TUT1: variants seen among roughly 807,000 people sequenced by gnomAD.
TUT1 encodes the protein terminal uridylyl transferase 1, U6 snRNA-specific, also known as speckle targeted PIP5K1A-regulated poly(A) polymerase.
A neutral mutation model predicts 48.8 loss-of-function variants in TUT1; 26 were observed. The observed-to-expected ratio is 0.53, with a 90% CI of 0.39 to 0.74. TUT1 has a LOEUF of 0.74. Among genes scored for constraint, TUT1 ranks in the 30% least tolerant of loss-of-function variants. The probability of loss-of-function intolerance (pLI) is 0.00; values close to 1 mark genes in which losing one functional copy is unlikely to be tolerated. For missense variants in TUT1, 1,065 were observed against 1,114.8 expected (o/e 0.96, Z 0.64); for synonymous variants, 470 against 460.8 (o/e 1.02, Z -0.26).
chr11:62,588,218 C>CA (rs1287566461), intron 2 of TUT1, among the ~76,000 whole-genome samples: 2 of 152,108 alleles, frequency 1.3e-5, no homozygotes, highest in African/African-American at 4.8e-5. Flanking sequence ...ATGACACACA[C>CA]AAAAAAATCC....
chr11:62,588,490 G>A (rs536786992), intron 2 of TUT1, among the ~76,000 whole-genome samples: 6 of 152,174 alleles, frequency 3.9e-5, no homozygotes, highest in African/African-American at 7.2e-5. Flanking sequence ...GGAGGTAGAC[G>A]TCACAGTGAG....
Position 62,589,040 on chromosome 11 carries a change from G to A in TUT1, c.264C>T (p.Asp88=). 1 of 1,613,614 alleles carries A rather than the reference G, an allele frequency of 6.2e-7. No individual in the cohort carries two copies. The highest frequency in any genetic ancestry group is 8.5e-7 in the Non-Finnish European group (1 of 1,179,704). ...GAGCCATTCACTTTACCTTGTCCTT[G>A]TCCATGACAACACTGGCCACAGGTC... is the stretch of plus-strand genomic sequence containing the variant. ...AFGPVASVVM[D]KDKGVFAIVE... is the part of the protein sequence containing the mutation. Residue 88 remains aspartate (D), a synonymous_variant, in exon 2 of 9, where the codon GAC becomes GAT. Coordinates refer to ENST00000476907, the MANE Select transcript of TUT1 (RefSeq NM_022830.3).
Position 62,588,373 on chromosome 11 carries a change from G to A in TUT1, c.273+658C>T, listed in dbSNP as rs989112885. ...GTTCGAGACCAGCCTGGCCAACATG[G>A]TGAAACCCTGTCTCTACTAAAAATA... On this transcript the variant is annotated intron_variant, in intron 2 of 8. Transcript: ENST00000476907. Among the ~76,000 whole-genome samples the A allele has an allele frequency of 3.3e-5, 5 of 152,142 alleles. No homozygotes were observed. In the South Asian group the frequency reaches 8.3e-4, roughly 25 times the overall value.
chr11:62,590,529 C>T (rs566129874), intron 1 of TUT1, among the ~76,000 whole-genome samples: 9 of 151,632 alleles, frequency 5.9e-5, no homozygotes, highest in South Asian at 4.2e-4. Context: ...CCCGGCTACA[C>T]GGGAGGCTGA....
chr11:62,591,411 T>C lies in TUT1; in HGVS notation c.75A>G (p.Thr25=). Residue 25 remains threonine (T), a synonymous_variant, in exon 1 of 9, where the codon ACA becomes ACG. Coordinates refer to ENST00000476907, the MANE Select transcript of TUT1 (RefSeq NM_022830.3). The part of the protein sequence containing the change: ...GFRCCLCHVT[T]ANRPSLDAHL... ...TCACTAGCCACCGCTTACGGTTGGC[T>C]GTAGTAACGTGGCAGAGGCAGCAGC... 6.3e-7 allele frequency: 1 copy of C among 1,594,066 alleles called. No homozygotes were observed. Among genetic ancestry groups the C allele is most frequent in the Non-Finnish European group, 8.5e-7 (1 of 1,171,210 alleles).
At chr11:62,585,442 G>A (rs1383333292) in intron 2 of TUT1, among the ~76,000 whole-genome samples, 1 of 152,146 alleles carries the variant, frequency 6.6e-6, no homozygotes, top group African/African-American at 2.4e-5. Flanking sequence ...AGCCCCAGAT[G>A]GAAATTAAGA....
intron 2 of TUT1, among the ~76,000 whole-genome samples, chr11:62,583,862 A>G (rs1007029976): frequency 2.0e-5 from 3 of 152,232 alleles, no homozygotes; most frequent in Non-Finnish European, 4.4e-5. Flanking sequence ...AGAAGATTCA[A>G]TGGGGAAAGA....
chr11:62,586,485 T>C, intron 2 of TUT1, among the ~76,000 whole-genome samples: 1 of 152,134 alleles, frequency 6.6e-6, no homozygotes, highest in South Asian at 2.1e-4. Context: ...TCAATAAAAA[T>C]GTTAATCATT....
chr11:62,585,384 T>A (rs1941894867), intron 2 of TUT1, among the ~76,000 whole-genome samples: 2 of 152,208 alleles, frequency 1.3e-5, no homozygotes, highest in South Asian at 4.1e-4. Context: ...CTGACTCTAA[T>A]AAACCACAGT....
At position 62,587,339 on chromosome 11, in the gene TUT1, G is replaced by A. The variant is rs577973604; in HGVS notation, c.273+1692C>T. Among the ~76,000 whole-genome samples the A allele has an allele frequency of 1.5e-4, 23 of 152,044 alleles. No homozygotes were observed. In the East Asian group the frequency reaches 1.6e-3, roughly 10 times the overall value. On this transcript the variant is annotated intron_variant, in intron 2 of 8. Transcript: ENST00000476907. ...TGGGATTACAGGCATGTGCCACCACGCCCCGCTAATTTTGTATTTTTAGTA... is the reference window on the plus strand; with the variant it reads ...TGGGATTACAGGCATGTGCCACCACACCCCGCTAATTTTGTATTTTTAGTA...
At position 62,581,544 on chromosome 11, in the gene TUT1, G is replaced by A. The variant is rs533930379; in HGVS notation, c.431C>T (p.Pro144Leu). 1 of 1,613,732 alleles carries A rather than the reference G, an allele frequency of 6.2e-7. No individual in the cohort carries two copies. The highest frequency in any genetic ancestry group is 1.7e-5 in the Admixed American group (1 of 59,860). The change falls in exon 3 of 9, where the codon CCC becomes CTC. Residue 144 changes from proline to leucine, a missense_variant. Transcript: ENST00000476907. ...PASKSPKGAA[P>L]DSHQLAKALA... ...CGCTTTGGCCAGCTGGTGACTGTCG[G>A]GGGCCGCTCCTTTGGGGGATTTGGA...
chr11:62,588,796 G>A (rs536438977), intron 2 of TUT1, among the ~76,000 whole-genome samples: 7 of 152,236 alleles, frequency 4.6e-5, no homozygotes, highest in Non-Finnish European at 1.0e-4. Flanking sequence ...CCGGGTTCAA[G>A]CGATTCTCCT....
chr11:62,590,091 G>A (rs889587101), intron 1 of TUT1, among the ~76,000 whole-genome samples: 1 of 152,232 alleles, frequency 6.6e-6, no homozygotes, highest in African/African-American at 2.4e-5. Context: ...GGCCAAAGAA[G>A]ACTCCTAGGT....
intron 4 of TUT1, 44 bp from the exon 5 acceptor site, chr11:62,579,074 T>A: frequency 7.2e-7 from 1 of 1,379,496 alleles, no homozygotes; most frequent in Non-Finnish European, 9.6e-7. Flanking sequence ...TGCTGTTCCC[T>A]AAGCAGGGAT....
Position 62,577,205 on chromosome 11 carries a change from C to T in TUT1, c.1247G>A (p.Trp416Ter). Residue 416 changes from tryptophan (W) to a stop codon, truncating the protein, a stop_gained, in exon 6 of 9, where the codon TGG becomes TAG. Transcript: ENST00000476907. LOFTEE classifies it high-confidence loss of function. ...VRPLVYTLRCWAQGRGLSGSG... is the reference protein window; with the variant it reads ...VRPLVYTLRC Reference sequence around the variant, plus strand: ...ACCTGACAGCCCCCGACCCTGAGCCCAGCAGCGGAGGGTGTACACGAGGGG... The same window carrying T: ...ACCTGACAGCCCCCGACCCTGAGCCTAGCAGCGGAGGGTGTACACGAGGGG... 6.2e-7 allele frequency: 1 copy of T among 1,609,930 alleles called. No individual in the cohort carries two copies. The highest frequency in any genetic ancestry group is 1.7e-5 in the Admixed American group (1 of 58,350).
chr11:62,581,469 A>G lies in TUT1; in HGVS notation c.506T>C (p.Leu169Pro), dbSNP rs755982588. ...VGAQMIKLVG[L>P]RELSEAERQL... ...CCGCTCGGCCTCGGACAACTCCCTC[A>G]GCCCCACAAGCTTTATCATTTGTGC... The change falls in exon 3 of 9, where the codon CTG becomes CCG. Residue 169 changes from leucine to proline, a missense_variant. Leu to Pro is a moderately conservative substitution (Grantham distance 98). Transcript: ENST00000476907. 1 of 1,614,152 alleles carries G rather than the reference A, an allele frequency of 6.2e-7. No homozygotes were observed. Among genetic ancestry groups the G allele is most frequent in the Non-Finnish European group, 8.5e-7 (1 of 1,180,010 alleles).
intron 2 of TUT1, chr11:62,582,526 G>A (rs971755178): frequency 2.3e-6 from 1 of 440,994 alleles, no homozygotes; most frequent in Admixed American, 2.4e-5. Flanking sequence ...GGCCCAGGAT[G>A]TTGAGGCTGC....
intron 1 of TUT1, among the ~76,000 whole-genome samples, chr11:62,590,362 C>G (rs1054281877): frequency 6.6e-6 from 1 of 152,172 alleles, no homozygotes; most frequent in Non-Finnish European, 1.5e-5. Context: ...GTAGGCCGGG[C>G]GCGGTGGCTC....
intron 2 of TUT1, among the ~76,000 whole-genome samples, chr11:62,586,212 G>A (rs1262255871): frequency 6.6e-6 from 1 of 152,192 alleles, no homozygotes; most frequent in Non-Finnish European, 1.5e-5. Flanking sequence ...TATTTGTTGA[G>A]GGCTTATTAT....
Sources: gnomAD v4.1 joint callset for allele counts (sites outside exome capture counted in the v4.1 genomes callset) on GRCh38, gnomAD v4.1.1 for gene constraint, MANE v1.5 for transcripts, NCBI Gene and HGNC (gene_info 2026-07-23, HGNC 2026-07-21) for gene names.